TEK: variants seen among roughly 807,000 people sequenced by gnomAD.
TEK encodes the protein TEK receptor tyrosine kinase.
TEK carries 43 observed loss-of-function variants against 131.8 expected under a neutral mutation model. The observed-to-expected ratio is 0.33, with a 90% CI of 0.26 to 0.42. The LOEUF (loss-of-function observed/expected upper bound fraction) is 0.42, where lower values mean the gene tolerates loss of function less well. TEK is among the 10% of genes least tolerant of loss of function. TEK has a pLI of 1.00. For synonymous variants in TEK, 580 were observed against 491.6 expected (o/e 1.18, Z -2.38); for missense variants, 1,162 against 1,384.4 (o/e 0.84, Z 2.55).
chr9:27,215,790 A>G (rs922122522), intron 18 of TEK, among the ~76,000 whole-genome samples: 1 of 152,120 alleles, frequency 6.6e-6, no homozygotes, highest in Non-Finnish European at 1.5e-5. Flanking sequence ...CAGGATTGTA[A>G]CAGCTGATAA....
At chr9:27,145,153 C>G (rs1439983396) in intron 1 of TEK, among the ~76,000 whole-genome samples, 1 of 152,302 alleles carries the variant, frequency 6.6e-6, no homozygotes, top group Non-Finnish European at 1.5e-5. Context: ...GCCCCCTGAT[C>G]TCCCCAAGGC....
intron 9 of TEK, among the ~76,000 whole-genome samples, chr9:27,186,219 GTGTT>G (rs1824592940): frequency 6.6e-6 from 1 of 152,176 alleles, no homozygotes; most frequent in South Asian, 2.1e-4. Context: ...ATTAATCTGA[GTGTT>G]TGTGTGTAGA....
intron 1 of TEK, among the ~76,000 whole-genome samples, chr9:27,111,738 T>TTTTA (rs112099794): frequency 6.6e-6 from 1 of 151,846 alleles, no homozygotes; most frequent in African/African-American, 2.4e-5. Context: ...TTCCCTACTC[T>TTTTA]TCCTCATAAA....
intron 1 of TEK, among the ~76,000 whole-genome samples, chr9:27,120,802 A>T (rs1821755835): frequency 6.6e-6 from 1 of 152,220 alleles, no homozygotes; most frequent in Non-Finnish European, 1.5e-5. Flanking sequence ...TGGCCCTTGC[A>T]GGAGCAGCCA....
intron 1 of TEK, among the ~76,000 whole-genome samples, chr9:27,117,434 C>T (rs1448128848): frequency 6.6e-6 from 1 of 152,190 alleles, no homozygotes; most frequent in East Asian, 1.9e-4. Flanking sequence ...ACTCGTGTTA[C>T]ACCTGCAGAA....
rs1001857282 is a variant in TEK at position 27,213,721 on chromosome 9, T to C, written c.2991+124T>C. On this transcript the variant is annotated intron_variant, in intron 18 of 22. Coordinates refer to ENST00000380036, the MANE Select transcript of TEK (RefSeq NM_000459.5). Reference sequence around the variant, plus strand: ...GCATCTGACTGTATGTCCCAGTAGATACTGTGTGCCCTGGGAAACATTCTT... The same window carrying C: ...GCATCTGACTGTATGTCCCAGTAGACACTGTGTGCCCTGGGAAACATTCTT... 4.4e-5 allele frequency: 33 copies of C among 745,070 alleles called. No individual in the cohort carries two copies. The African/African-American group carries it at 4.9e-4, about 11-fold the overall frequency. 46.2% of individuals were successfully genotyped at this position (745,070 alleles called of 1,614,324 possible). A position where few individuals can be genotyped will look rare whatever the true frequency, so the allele number is the denominator to read the frequency against.
At chr9:27,148,026 C>T (rs771377322) in intron 1 of TEK, among the ~76,000 whole-genome samples, 2 of 151,488 alleles carry the variant, frequency 1.3e-5, no homozygotes, top group African/African-American at 2.4e-5. Context: ...GTCATAGTAC[C>T]TACTGCCTAG....
At chr9:27,133,430 C>A (rs906946595) in intron 1 of TEK, among the ~76,000 whole-genome samples, 2 of 152,208 alleles carry the variant, frequency 1.3e-5, no homozygotes, top group African/African-American at 2.4e-5. Flanking sequence ...GAGCCACAGT[C>A]GGCTGAGTTT....
intron 4 of TEK, among the ~76,000 whole-genome samples, chr9:27,170,674 T>A (rs550629116): frequency 6.6e-6 from 1 of 152,228 alleles, no homozygotes; most frequent in South Asian, 2.1e-4. Flanking sequence ...GAGGCTCAGT[T>A]GTGGTGGGTG....
intron 4 of TEK, 98 bp from the exon 5 acceptor site, chr9:27,172,518 C>G: frequency 1.3e-6 from 2 of 1,514,436 alleles, no homozygotes; most frequent in South Asian, 2.3e-5. Context: ...CTTTATTCAC[C>G]ATTGTCCACT....
In TEK at chr9:27,228,187, T is replaced by TA; in HGVS notation, c.3201-17dup. On this transcript the variant is annotated intron_variant, in intron 21 of 22. Coordinates refer to ENST00000380036, the MANE Select transcript of TEK (RefSeq NM_000459.5). ...AAGCACAGTTATAGAATTAACCCTT[T>TA]AATTCTTTGCTTTCGAAGGTATGAT... The TA allele has an allele frequency of 6.2e-7, 1 of 1,602,858 alleles. No individual in the cohort carries two copies. The highest frequency in any genetic ancestry group is 1.1e-5 in the South Asian group (1 of 90,820).
intron 21 of TEK, among the ~76,000 whole-genome samples, chr9:27,223,336 C>T (rs186171207): frequency 8.0e-4 from 122 of 152,276 alleles, no homozygotes; most frequent in African/African-American, 2.9e-3. Context: ...CTTCTCAGCA[C>T]CTCATCACAC....
chr9:27,194,286 T>A (rs929484387), intron 11 of TEK, among the ~76,000 whole-genome samples: 1 of 152,196 alleles, frequency 6.6e-6, no homozygotes, highest in Non-Finnish European at 1.5e-5. Context: ...CTGCAGAGAT[T>A]GTGCACCCTT....
chr9:27,167,942 C>T (rs1474097241), intron 2 of TEK, among the ~76,000 whole-genome samples: 5 of 151,590 alleles, frequency 3.3e-5, no homozygotes, highest in African/African-American at 1.2e-4. Context: ...TTGTTAGTAT[C>T]AGGACTTAGT....
rs1464003209 is a variant in TEK, at chr9:27,192,527, C to T, written c.1528C>T (p.Arg510Trp). Residue 510 changes from arginine to tryptophan, a missense_variant, in exon 11 of 23, where the codon CGG becomes TGG. Around this residue, in one of 6 missense-constraint regions of TEK, gnomAD observed 477 missense variants for 471.0 expected, o/e 1.01. Transcript: ENST00000380036. ...EIVTLNYLEPRTEYELCVQLV... is the reference protein window; with the variant it reads ...EIVTLNYLEPWTEYELCVQLV... Reference sequence around the variant, plus strand: ...TGTTACACTCAACTATTTGGAACCTCGGACAGAATATGAACTCTGTGTGCA... The same window carrying T: ...TGTTACACTCAACTATTTGGAACCTTGGACAGAATATGAACTCTGTGTGCA... The T allele has an allele frequency of 3.1e-6, 5 of 1,613,862 alleles. No individual in the cohort carries two copies. In the African/African-American group the frequency reaches 4.0e-5, roughly 13 times the overall value.
Position 27,173,402 on chromosome 9 carries a change from C to T in TEK, c.901+40C>T, listed in dbSNP as rs181584000. 418 of 1,612,848 alleles carry T rather than the reference C, an allele frequency of 2.6e-4. No homozygotes were observed. In the African/African-American group the frequency reaches 2.9e-3, roughly 11 times the overall value. ...CACCCTTGGACAGAGGATGTTCTAG[C>T]AGGTATATAAAGGAGATCCAGTTTG... On this transcript the variant is annotated intron_variant, in intron 6 of 22. Transcript: ENST00000380036.
intron 1 of TEK, among the ~76,000 whole-genome samples, chr9:27,139,102 C>A (rs7027720): frequency 1.3e-5 from 2 of 149,064 alleles, no homozygotes; most frequent in Admixed American, 1.3e-4. Flanking sequence ...CCAGCTACTC[C>A]GGAGGGAGGC....
At chr9:27,172,853 C>T (rs1012845928) in intron 5 of TEK, 106 bp downstream of exon 5, 29 of 1,470,614 alleles carry the variant, frequency 2.0e-5, no homozygotes, top group Non-Finnish European at 2.6e-5. Context: ...TAAATGGCCT[C>T]TGTTAGGTCA....
At chr9:27,167,270 C>T (rs1823767658) in intron 2 of TEK, among the ~76,000 whole-genome samples, 1 of 152,028 alleles carries the variant, frequency 6.6e-6, no homozygotes, top group Non-Finnish European at 1.5e-5. Context: ...CTCTGTTGCC[C>T]ATGCTGGAGT....
Sources: gnomAD v4.1 joint callset for allele counts (sites outside exome capture counted in the v4.1 genomes callset) on GRCh38, gnomAD v4.1.1 for gene constraint, gnomAD v4.1.1 regional missense constraint, MANE v1.5 for transcripts, NCBI Gene and HGNC (gene_info 2026-07-23, HGNC 2026-07-21) for gene names.